Variants in ANKRD52 observed in about 807,000 individuals in gnomAD.
ANKRD52 encodes the protein serine/threonine-protein phosphatase 6 regulatory ankyrin repeat subunit C.
A neutral mutation model predicts 116.0 loss-of-function variants in ANKRD52; 7 were observed. The observed-to-expected ratio is 0.06, with a 90% CI of 0.03 to 0.11. ANKRD52 has a LOEUF of 0.11. Ranked by LOEUF, ANKRD52 falls within the 10% of genes least tolerant of loss-of-function variation. ANKRD52 has a pLI of 1.00. For missense variants in ANKRD52, 839 were observed against 1,408.6 expected, an observed-to-expected ratio of 0.60 and a Z score of 6.47; for synonymous variants, 528 against 578.1, an observed-to-expected ratio of 0.91 and a Z score of 1.24.
intron 20 of ANKRD52, 126 bp from the exon 21 acceptor site, chr12:56,245,722 T>A: frequency 1.1e-6 from 1 of 931,378 alleles, no homozygotes; most frequent in Non-Finnish European, 1.5e-6. Context: ...TTTTTTTTTT[T>A]TTTTTTTTTG....
chr12:56,257,773 C>A, intron 2 of ANKRD52, 55 bp downstream of exon 2: 1 of 1,571,724 alleles, frequency 6.4e-7, no homozygotes, highest in Non-Finnish European at 8.7e-7. Flanking sequence ...GGGGAGGGGT[C>A]CAGAACACGG....
intron 15 of ANKRD52, among the ~76,000 whole-genome samples, chr12:56,249,298 C>G (rs568813651): frequency 2.0e-5 from 3 of 152,286 alleles, no homozygotes; most frequent in South Asian, 4.1e-4. Context: ...TCCCAGCCTT[C>G]CCTGGGGAAG....
At position 56,253,499 on chromosome 12, in the gene ANKRD52, C is replaced by T; in HGVS notation, c.986-97G>A. 9.8e-7 allele frequency: 1 copy of T among 1,021,246 alleles called. No homozygotes were observed. Among genetic ancestry groups the T allele is most frequent in the Admixed American group, 1.9e-5 (1 of 53,684 alleles). The allele number at this position is 1,021,246 out of a possible 1,614,324, so 63.3% of individuals were successfully genotyped here. ...ATTTGAGTGCCTACTATGTATGCAT[C>T]AGGTGCCAGGCCCAGGATTCTACAT... is the stretch of plus-strand genomic sequence containing the variant. On this transcript the variant is annotated intron_variant, in intron 9 of 27. Coordinates refer to ENST00000267116, the MANE Select transcript of ANKRD52 (RefSeq NM_173595.4). The surrounding 1 kb of genome is among the most constrained non-coding windows in gnomAD (Gnocchi z 5.5).
At position 56,252,751 on chromosome 12, in the gene ANKRD52, A is replaced by G. The variant is rs371990952; in HGVS notation, c.1301+29T>C. Reference sequence around the variant, plus strand: ...CAGACCTTTGCCCAGCTCCCTGCTCAAAGCATGGGAGAGAGAAAGAGAACT... The same window carrying G: ...CAGACCTTTGCCCAGCTCCCTGCTCGAAGCATGGGAGAGAGAAAGAGAACT... On this transcript the variant is annotated intron_variant, in intron 12 of 27. Transcript: ENST00000267116. This position sits in a 1 kb window ranked among gnomAD's most constrained non-coding sequence, Gnocchi z 4.7. 330 of 1,605,024 alleles carry G rather than the reference A, an allele frequency of 2.1e-4. 1 individual carries two copies. The highest frequency in any genetic ancestry group is 3.1e-5 in the Non-Finnish European group (36 of 1,172,918).
In ANKRD52 at chr12:56,244,273, G is replaced by A. The variant is rs572291424; in HGVS notation, c.2805+80C>T. The A allele has an allele frequency of 6.4e-7, 1 of 1,550,776 alleles. No homozygotes were observed. Among genetic ancestry groups the A allele is most frequent in the South Asian group, 1.1e-5 (1 of 88,902 alleles). On this transcript the variant is annotated intron_variant, in intron 25 of 27. Coordinates refer to ENST00000267116, the MANE Select transcript of ANKRD52 (RefSeq NM_173595.4). The surrounding 1 kb of genome is among the most constrained non-coding windows in gnomAD (Gnocchi z 4.9). The stretch of plus-strand genomic sequence containing the variant: ...CTGGACAATCCTCACTTCTGCCCCA[G>A]TCCCCTCTGCAACCGAGACTTACCT...
At chr12:56,247,869 C>T in intron 18 of ANKRD52, 95 bp from the exon 19 acceptor site, 1 of 1,421,450 alleles carries the variant, frequency 7.0e-7, no homozygotes, top group South Asian at 1.2e-5. Context: ...TACAGAAAGA[C>T]CTGGGCCAGG....
At chr12:56,251,404 C>A (rs1016470849) in intron 15 of ANKRD52, among the ~76,000 whole-genome samples, 11 of 150,926 alleles carry the variant, frequency 7.3e-5, no homozygotes, top group African/African-American at 2.7e-4. Context: ...GCCACCACAC[C>A]TGGTTAATTT....
At chr12:56,251,991 C>A (rs1592393109) in intron 15 of ANKRD52, 24 bp downstream of exon 15, 2 of 1,610,450 alleles carry the variant, frequency 1.2e-6, no homozygotes, top group Middle Eastern at 2.0e-4. Context: ...AAAGCACATC[C>A]CAGGGGCCCT....
In ANKRD52 at chr12:56,243,507, C is replaced by G; in HGVS notation, c.2981-115G>C. 1.4e-6 allele frequency: 2 copies of G among 1,411,194 alleles called. No homozygotes were observed. Among genetic ancestry groups the G allele is most frequent in the Non-Finnish European group, 1.9e-6 (2 of 1,052,600 alleles). 87.4% of individuals were successfully genotyped at this position (1,411,194 alleles called of 1,614,324 possible). A position where few individuals can be genotyped will look rare whatever the true frequency, so the allele number is the denominator to read the frequency against. On this transcript the variant is annotated intron_variant, in intron 27 of 27. Coordinates refer to ENST00000267116, the MANE Select transcript of ANKRD52 (RefSeq NM_173595.4). This position sits in a 1 kb window ranked among gnomAD's most constrained non-coding sequence, Gnocchi z 4.6. Reference sequence around the variant, plus strand: ...GCCAAGGCAGGCAGGTACCCAGCAGCGGCAGAATCCAAGGGTGACGAGGGC... The same window carrying G: ...GCCAAGGCAGGCAGGTACCCAGCAGGGGCAGAATCCAAGGGTGACGAGGGC...
In ANKRD52 at chr12:56,248,362, A is replaced by G; in HGVS notation, c.1776+133T>C. The G allele has an allele frequency of 7.1e-7, 1 of 1,400,346 alleles. No individual in the cohort carries two copies. Among genetic ancestry groups the G allele is most frequent in the Non-Finnish European group, 9.9e-7 (1 of 1,010,146 alleles). 86.7% of individuals were successfully genotyped at this position (1,400,346 alleles called of 1,614,324 possible). A position where few individuals can be genotyped will look rare whatever the true frequency, so the allele number is the denominator to read the frequency against. On this transcript the variant is annotated intron_variant, in intron 17 of 27. Coordinates refer to ENST00000267116, the MANE Select transcript of ANKRD52 (RefSeq NM_173595.4). The surrounding 1 kb of genome is among the most constrained non-coding windows in gnomAD (Gnocchi z 5.1). ...CTCCTTGGGCCCCTTAAGGCTTCCT[A>G]CCCTGCACTGTGCTTATCCCCTCTC...
At position 56,257,323 on chromosome 12, in the gene ANKRD52, G is replaced by A. The variant is rs745548050; in HGVS notation, c.150C>T (p.Tyr50=). The A allele has an allele frequency of 1.3e-6, 2 of 1,597,566 alleles. No individual in the cohort carries two copies. The highest frequency in any genetic ancestry group is 1.7e-5 in the Admixed American group (1 of 57,284). ...ACTGGAGGATGGGGACATCGCCTAC[G>A]TAGGCAGCAGCATGCAATGGAGTTC... ...ERRTPLHAAA[Y]VGDVPILQLL... The change falls in exon 3 of 28, where the codon TAC becomes TAT. Residue 50 remains tyrosine (Y), a synonymous_variant. Transcript: ENST00000267116.
In ANKRD52 at chr12:56,255,681, GC is replaced by G. The variant is rs1565612737; in HGVS notation, c.462+102del. The G allele has an allele frequency of 9.2e-7, 1 of 1,084,666 alleles. No homozygotes were observed. The highest frequency in any genetic ancestry group is 1.3e-6 in the Non-Finnish European group (1 of 751,358). The allele number at this position is 1,084,666 out of a possible 1,614,324, so 67.2% of individuals were successfully genotyped here. ...CTTAAGTGTTTATATAACCATCCGGGCTGCTTCTCCTTCAGGCTTGAGGGCC... is the reference window on the plus strand; with the variant it reads ...CTTAAGTGTTTATATAACCATCCGGGTGCTTCTCCTTCAGGCTTGAGGGCC... On this transcript the variant is annotated intron_variant, in intron 5 of 27. Transcript: ENST00000267116. The surrounding 1 kb of genome is among the most constrained non-coding windows in gnomAD (Gnocchi z 4.3).
chr12:56,254,545 A>C lies in ANKRD52; in HGVS notation c.693+33T>G. On this transcript the variant is annotated intron_variant, in intron 7 of 27. Transcript: ENST00000267116. The surrounding 1 kb of genome is among the most constrained non-coding windows in gnomAD (Gnocchi z 4.6). ...GACTATAATCTCCTACTTGCTGCCC[A>C]TAGTTCCCAACCCCAGAGCTCAAAG... 1 of 1,606,572 alleles carries C rather than the reference A, an allele frequency of 6.2e-7. No individual in the cohort carries two copies. The highest frequency in any genetic ancestry group is 8.5e-7 in the Non-Finnish European group (1 of 1,176,048).
chr12:56,244,102 G>A lies in ANKRD52; in HGVS notation c.2837C>T (p.Ala946Val). ...GHEKCALMIL[A>V]ETQDLGLINA... Reference sequence around the variant, plus strand: ...GATAAGGCCAAGGTCTTGGGTTTCTGCCAGGATCATGAGGGCACATTTCTC... The same window carrying A: ...GATAAGGCCAAGGTCTTGGGTTTCTACCAGGATCATGAGGGCACATTTCTC... The change falls in exon 26 of 28, where the codon GCA (alanine) becomes GTA (valine). Residue 946 changes from alanine (A) to valine (V), a missense_variant. Around this residue, in one of 2 missense-constraint regions of ANKRD52, gnomAD observed 552 missense variants for 810.6 expected, o/e 0.68. Coordinates refer to ENST00000267116, the MANE Select transcript of ANKRD52 (RefSeq NM_173595.4). This position sits in a 1 kb window ranked among gnomAD's most constrained non-coding sequence, Gnocchi z 4.9. 1 of 1,613,966 alleles carries A rather than the reference G, an allele frequency of 6.2e-7. No individual in the cohort carries two copies. Among genetic ancestry groups the A allele is most frequent in the Non-Finnish European group, 8.5e-7 (1 of 1,179,880 alleles).
Position 56,237,853 on chromosome 12 carries a change from A to G in ANKRD52, c.*5289T>C. 8.2e-7 allele frequency: 1 copy of G among 1,214,734 alleles called. No homozygotes were observed. The allele number at this position is 1,214,734 out of a possible 1,614,324, so 75.2% of individuals were successfully genotyped here. On this transcript the variant is annotated 3_prime_UTR_variant, in exon 28 of 28. Coordinates refer to ENST00000267116, the MANE Select transcript of ANKRD52 (RefSeq NM_173595.4). ...AAACAGAACCCATCCCAAAGCCATG[A>G]CTACGACAGTTGTACTTGCACCAAA...
intron 4 of ANKRD52, 24 bp from the exon 5 acceptor site, chr12:56,256,008 G>A: frequency 6.5e-7 from 1 of 1,543,172 alleles, no homozygotes; most frequent in Non-Finnish European, 8.8e-7. Flanking sequence ...GGGGACAAAA[G>A]AGAGAGTGGG....
In ANKRD52 at chr12:56,257,365, G is replaced by C; in HGVS notation, c.112-4C>G. ...ATGGAGTTCGCCTCTCTTGGTCCTG[G>C]GAAGGCAAAAAAGAGCAGGGAGTAT... On this transcript the variant is annotated splice_polypyrimidine_tract_variant and splice_region_variant and intron_variant, in intron 2 of 27. Coordinates refer to ENST00000267116, the MANE Select transcript of ANKRD52 (RefSeq NM_173595.4). 6.3e-7 allele frequency: 1 copy of C among 1,582,740 alleles called. No individual in the cohort carries two copies. The highest frequency in any genetic ancestry group is 1.2e-5 in the South Asian group (1 of 86,290).
In ANKRD52 at chr12:56,244,100, C is replaced by G; in HGVS notation, c.2839G>C (p.Glu947Gln). ...TTGATAAGGCCAAGGTCTTGGGTTT[C>G]TGCCAGGATCATGAGGGCACATTTC... is the stretch of plus-strand genomic sequence containing the variant. ...HEKCALMILA[E>Q]TQDLGLINAT... Residue 947 changes from glutamate to glutamine, a missense_variant, in exon 26 of 28, where the codon GAA becomes CAA. Physicochemically the swap from Glu to Gln is conservative, Grantham distance 29 (BLOSUM62 2). Around this residue, in one of 2 missense-constraint regions of ANKRD52, gnomAD observed 552 missense variants for 810.6 expected, o/e 0.68. Transcript: ENST00000267116. The surrounding 1 kb of genome is among the most constrained non-coding windows in gnomAD (Gnocchi z 4.9). 2 of 1,614,012 alleles carry G rather than the reference C, an allele frequency of 1.2e-6. No individual in the cohort carries two copies. The highest frequency in any genetic ancestry group is 2.7e-5 in the African/African-American group (2 of 75,058).
At chr12:56,247,139 G>A (rs1871447244) in intron 20 of ANKRD52, among the ~76,000 whole-genome samples, 2 of 150,796 alleles carry the variant, frequency 1.3e-5, no homozygotes, top group South Asian at 4.2e-4. Context: ...GAACCCAGGA[G>A]TTCAAGACCA....
Sources: gnomAD v4.1 joint callset for allele counts (sites outside exome capture counted in the v4.1 genomes callset) on GRCh38, gnomAD v4.1.1 for gene constraint, gnomAD v4.1.1 regional missense constraint, Gnocchi (gnomAD v3.1) non-coding constraint, MANE v1.5 for transcripts, NCBI Gene and HGNC (gene_info 2026-07-23, HGNC 2026-07-21) for gene names.